The following CDH12 variants were observed in gnomAD, a reference collection of about 807,000 sequenced individuals.
CDH12 encodes cadherin 12.
A neutral mutation model predicts 74.1 loss-of-function variants in CDH12; 41 were observed. That is an observed-to-expected ratio of 0.55 (90% CI 0.43 to 0.72). The LOEUF (loss-of-function observed/expected upper bound fraction) is 0.72. Ranked by LOEUF, CDH12 falls within the 30% of genes least tolerant of loss-of-function variation. The pLI is 0.00. For synonymous variants in CDH12, 399 were observed against 355.0 expected, an observed-to-expected ratio of 1.12 and a Z score of -1.39; for missense variants, 945 against 977.2, an observed-to-expected ratio of 0.97 and a Z score of 0.44.
intron 1 of CDH12, among the ~76,000 whole-genome samples, chr5:22,602,832 T>A (rs1364102915): frequency 6.6e-6 from 1 of 152,146 alleles, no homozygotes; most frequent in Non-Finnish European, 1.5e-5. Flanking sequence ...ATTAACAGAA[T>A]TATAAATATT....
chr5:22,749,326 T>C (rs900425716), intron 1 of CDH12, among the ~76,000 whole-genome samples: 58 of 152,224 alleles, frequency 3.8e-4, no homozygotes, highest in African/African-American at 1.2e-3. Flanking sequence ...AGAAAGCCTA[T>C]TGTCTTGAAC....
At chr5:22,635,486 T>A (rs1402828373) in intron 1 of CDH12, among the ~76,000 whole-genome samples, 1 of 152,164 alleles carries the variant, frequency 6.6e-6, no homozygotes, top group Non-Finnish European at 1.5e-5. Context: ...AAGTTGGTAA[T>A]TTGGATTTCA....
At chr5:22,138,638 T>C (rs1045046003) in intron 4 of CDH12, among the ~76,000 whole-genome samples, 4 of 150,432 alleles carry the variant, frequency 2.7e-5, no homozygotes, top group Non-Finnish European at 5.9e-5. Flanking sequence ...AGGTGCATGT[T>C]TGAATACAAA....
At chr5:22,092,106 T>C (rs763761265) in intron 4 of CDH12, among the ~76,000 whole-genome samples, 4 of 151,268 alleles carry the variant, frequency 2.6e-5, no homozygotes, top group Non-Finnish European at 4.4e-5. Flanking sequence ...ATGACTTTTA[T>C]CCTCTACTGC....
intron 6 of CDH12, 95 bp downstream of exon 6, chr5:21,974,996 T>G: frequency 1.2e-6 from 1 of 809,350 alleles, no homozygotes; most frequent in Non-Finnish European, 2.0e-6. Context: ...AAAATATTCT[T>G]TTAGATGATA....
chr5:21,890,524 T>G (rs950981087), intron 6 of CDH12, among the ~76,000 whole-genome samples: 1 of 152,152 alleles, frequency 6.6e-6, no homozygotes, highest in Non-Finnish European at 1.5e-5. Context: ...GTATTTCTCA[T>G]GTGATTTCAC....
intron 3 of CDH12, among the ~76,000 whole-genome samples, chr5:22,280,146 T>A (rs1204764944): frequency 6.6e-6 from 1 of 152,192 alleles, no homozygotes; most frequent in Non-Finnish European, 1.5e-5. Context: ...AGCATTTTTT[T>A]ATGTGTCTGT....
At chr5:21,958,527 C>A (rs1056552817) in intron 6 of CDH12, among the ~76,000 whole-genome samples, 4 of 152,052 alleles carry the variant, frequency 2.6e-5, no homozygotes, top group Non-Finnish European at 5.9e-5. Context: ...GTTAGTTATC[C>A]CAGTACCATT....
rs1352234878 is a variant in CDH12, at chr5:22,077,572, A to G, written c.231+874T>C. Among the ~76,000 whole-genome samples the G allele has an allele frequency of 5.3e-5, 8 of 152,148 alleles. No homozygotes were observed. In the East Asian group the frequency reaches 1.5e-3, roughly 29 times the overall value. On this transcript the variant is annotated intron_variant, in intron 5 of 14. Transcript: ENST00000382254. ...ATTTTTCTTTATCAAAACCCATGGC[A>G]ATATCTTTTACAAAACTTAAAAAGA...
intron 5 of CDH12, among the ~76,000 whole-genome samples, chr5:22,009,094 A>C (rs1737138313): frequency 6.6e-6 from 1 of 152,104 alleles, no homozygotes; most frequent in Non-Finnish European, 1.5e-5. Flanking sequence ...CATAGATGGG[A>C]CCCCAGTGGT....
intron 3 of CDH12, among the ~76,000 whole-genome samples, chr5:22,323,461 CTATT>C (rs1397559975): frequency 1.3e-5 from 2 of 152,048 alleles, no homozygotes; most frequent in African/African-American, 4.8e-5. Flanking sequence ...TTAATTTTAT[CTATT>C]TGTCTCTGAC....
intron 2 of CDH12, among the ~76,000 whole-genome samples, chr5:22,410,685 C>A (rs1220005222): frequency 1.3e-5 from 2 of 152,064 alleles, no homozygotes; most frequent in Non-Finnish European, 2.9e-5. Context: ...GATTTTTCAG[C>A]AAACCTTCAG....
intron 4 of CDH12, among the ~76,000 whole-genome samples, chr5:22,120,951 T>A (rs937118964): frequency 2.0e-5 from 3 of 152,176 alleles, no homozygotes; most frequent in African/African-American, 4.8e-5. Flanking sequence ...AGTGGAAAAA[T>A]TGTTTTAAAA....
intron 4 of CDH12, chr5:22,139,144 C>T (rs1436645454): frequency 6.8e-6 from 1 of 147,980 alleles, no homozygotes; most frequent in Non-Finnish European, 1.5e-5. Context: ...TTTATTAAAT[C>T]AATCCCTATG....
At chr5:21,988,761 T>TAAATTTTC (rs1212091477) in intron 5 of CDH12, among the ~76,000 whole-genome samples, 3 of 152,110 alleles carry the variant, frequency 2.0e-5, no homozygotes, top group African/African-American at 7.2e-5. Flanking sequence ...AGACAAACAT[T>TAAATTTTC]AAATTTTCAA....
intron 3 of CDH12, among the ~76,000 whole-genome samples, chr5:22,309,665 A>G (rs528449977): frequency 3.3e-5 from 5 of 152,210 alleles, no homozygotes; most frequent in Non-Finnish European, 7.4e-5. Flanking sequence ...CATTAACTAT[A>G]GTCCTCATGT....
At chr5:21,936,636 T>C (rs1755085714) in intron 6 of CDH12, among the ~76,000 whole-genome samples, 1 of 152,150 alleles carries the variant, frequency 6.6e-6, no homozygotes, top group South Asian at 2.1e-4. Flanking sequence ...TACTTTGCGT[T>C]GTAAGGAAAA....
chr5:21,880,673 TTCTTTCTTTCTTTCTTTCTC>T (rs1752292940), intron 6 of CDH12, among the ~76,000 whole-genome samples: 2 of 134,998 alleles, frequency 1.5e-5, no homozygotes, highest in African/African-American at 5.4e-5. Flanking sequence ...CTTTCTTTCT[TTCTTTCTTTCTTTCTTTCTC>T]TTTTCTCCTT....
At chr5:22,628,312 C>T (rs1738404886) in intron 1 of CDH12, among the ~76,000 whole-genome samples, 2 of 152,126 alleles carry the variant, frequency 1.3e-5, no homozygotes, top group South Asian at 4.1e-4. Context: ...CTTGTCTGCG[C>T]ATGAACTATG....
Sources: gnomAD v4.1 joint callset for allele counts (sites outside exome capture counted in the v4.1 genomes callset) on GRCh38, gnomAD v4.1.1 for gene constraint, MANE v1.5 for transcripts, NCBI Gene and HGNC (gene_info 2026-07-23, HGNC 2026-07-21) for gene names.